CUBN: variants seen among roughly 807,000 people sequenced by gnomAD.
CUBN encodes 460 kDa receptor.
In CUBN, 282 loss-of-function variants were observed where a neutral mutation model predicts 405.3. The ratio of observed to expected loss-of-function variants is 0.70; its 90% CI spans 0.63 to 0.77. The LOEUF (loss-of-function observed/expected upper bound fraction) is 0.77, where lower values mean the gene tolerates loss of function less well. Among genes scored for constraint, CUBN ranks in the 30% least tolerant of loss-of-function variants. The pLI is 0.00. For missense variants in CUBN, 4,514 were observed against 4,475.2 expected, an observed-to-expected ratio of 1.01 and a Z score of -0.25; for synonymous variants, 1,684 against 1,617.0, an observed-to-expected ratio of 1.04 and a Z score of -0.99.
At chr10:17,036,903 C>T (rs1231076003) in intron 27 of CUBN, among the ~76,000 whole-genome samples, 4 of 152,060 alleles carry the variant, frequency 2.6e-5, no homozygotes, top group Non-Finnish European at 4.4e-5. Context: ...AGAGTGCTCC[C>T]GGGGTATGTG....
At chr10:16,907,813 G>A in intron 48 of CUBN, 134 bp from the exon 49 acceptor site, 1 of 883,488 alleles carries the variant, frequency 1.1e-6, no homozygotes, top group Non-Finnish European at 1.8e-6. Flanking sequence ...TAACAATGCA[G>A]GTTTCTATCG....
chr10:16,901,491 A>G (rs1182409743), intron 51 of CUBN, 32 bp from the exon 52 acceptor site: 1 of 1,613,450 alleles, frequency 6.2e-7, no homozygotes, highest in East Asian at 2.2e-5. Context: ...TCTCAATAAA[A>G]CAGAAGTAAA....
chr10:16,871,784 A>G (rs1840360801), intron 58 of CUBN, among the ~76,000 whole-genome samples: 1 of 152,216 alleles, frequency 6.6e-6, no homozygotes, highest in African/African-American at 2.4e-5. Flanking sequence ...AGCACAGAAG[A>G]GATCTGAAAA....
At chr10:16,988,325 T>G (rs748831878) in intron 29 of CUBN, among the ~76,000 whole-genome samples, 1 of 152,212 alleles carries the variant, frequency 6.6e-6, no homozygotes, top group Non-Finnish European at 1.5e-5. Context: ...CGAGGCCATC[T>G]GAACATTCTG....
chr10:16,900,722 T>A lies in CUBN; in HGVS notation c.8313A>T (p.Thr2771=). 6.2e-7 allele frequency: 1 copy of A among 1,614,180 alleles called. No individual in the cohort carries two copies. The highest frequency in any genetic ancestry group is 1.1e-5 in the South Asian group (1 of 91,076). Residue 2771 remains threonine (T), a synonymous_variant, in exon 53 of 67, where the codon ACA becomes ACT. Transcript: ENST00000377833. ...CCAGCTGATTGGAACCTGACTGTAT[T>A]GTCCTGGGGTTTGAATTTCCACAGT... ...GQYCGNSNPR[T]IQSGSNQLVV...
In CUBN at chr10:17,071,476, T is replaced by G. The variant is rs1303091102; in HGVS notation, c.2575A>C (p.Thr859Pro). 2 of 1,613,810 alleles carry G rather than the reference T, an allele frequency of 1.2e-6. No individual in the cohort carries two copies. Among genetic ancestry groups the G allele is most frequent in the African/African-American group, 2.7e-5 (2 of 74,892 alleles). The change falls in exon 19 of 67, where the codon ACT becomes CCT. Residue 859 changes from threonine (T) to proline (P), a missense_variant. Coordinates refer to ENST00000377833, the MANE Select transcript of CUBN (RefSeq NM_001081.4). The stretch of plus-strand genomic sequence containing the variant: ...GCAGAACTTCCAATTTCAAAGACAG[T>G]GAAGTTGAGGAGAATGACTTGGCTT... Reference protein sequence around the residue: ...PQSQVILLNFTVFEIGSSAHC... With the variant: ...PQSQVILLNFPVFEIGSSAHC...
intron 22 of CUBN, among the ~76,000 whole-genome samples, chr10:17,064,899 T>C (rs1198069526): frequency 6.6e-6 from 1 of 152,224 alleles, no homozygotes; most frequent in Non-Finnish European, 1.5e-5. Context: ...AATGCATATT[T>C]TGCCAAGAAA....
At chr10:17,112,338 G>A (rs1588650618) in intron 8 of CUBN, among the ~76,000 whole-genome samples, 1 of 151,686 alleles carries the variant, frequency 6.6e-6, no homozygotes, top group South Asian at 2.1e-4. Context: ...TAAGATCAAA[G>A]GTATTTTTTT....
At chr10:17,048,639 A>G (rs1261897705) in intron 22 of CUBN, among the ~76,000 whole-genome samples, 1 of 152,122 alleles carries the variant, frequency 6.6e-6, no homozygotes, top group Non-Finnish European at 1.5e-5. Context: ...CACCATGCCC[A>G]GCAAATAAAT....
chr10:16,884,837 C>G (rs1383124230), intron 56 of CUBN, among the ~76,000 whole-genome samples: 1 of 152,204 alleles, frequency 6.6e-6, no homozygotes, highest in African/African-American at 2.4e-5. Context: ...ACCTTTTGTG[C>G]TAATGGTCCA....
At position 16,925,642 on chromosome 10, in the gene CUBN, T is replaced by C; in HGVS notation, c.6404A>G (p.Glu2135Gly). Residue 2135 changes from glutamate (E) to glycine (G), a missense_variant, in exon 42 of 67, where the codon GAA (glutamate) becomes GGA (glycine). By Grantham distance (98) the Glu-to-Gly change is moderately conservative. Transcript: ENST00000377833. ...QSGLTIAVHF[E>G]QPFQIPNGDS... ...TCCATTTGGAATCTGGAAAGGCTGT[T>C]CAAAATGGACAGCAATGGTCAGGCC... The C allele has an allele frequency of 6.2e-7, 1 of 1,614,062 alleles. No homozygotes were observed. Among genetic ancestry groups the C allele is most frequent in the Non-Finnish European group, 8.5e-7 (1 of 1,179,964 alleles).
intron 10 of CUBN, among the ~76,000 whole-genome samples, chr10:17,106,024 C>G (rs1836621559): frequency 6.6e-6 from 1 of 152,242 alleles, no homozygotes; most frequent in African/African-American, 2.4e-5. Flanking sequence ...GTGGCTCACG[C>G]CTGTAATCCC....
intron 22 of CUBN, among the ~76,000 whole-genome samples, chr10:17,062,726 C>G (rs1352945399): frequency 1.3e-5 from 2 of 152,170 alleles, no homozygotes; most frequent in African/African-American, 4.8e-5. Flanking sequence ...TATCTGAACT[C>G]AAATCCGGAA....
intron 54 of CUBN, among the ~76,000 whole-genome samples, chr10:16,895,338 T>TACAC (rs150992845): frequency 6.3e-4 from 94 of 149,078 alleles, no homozygotes; most frequent in African/African-American, 1.5e-3. Flanking sequence ...TATATATTTA[T>TACAC]ACACACACAC....
intron 45 of CUBN, among the ~76,000 whole-genome samples, chr10:16,917,829 T>G (rs1048385597): frequency 3.3e-5 from 5 of 152,210 alleles, no homozygotes; most frequent in African/African-American, 1.2e-4. Flanking sequence ...GACTTATTTT[T>G]AAAAAGTCAT....
intron 56 of CUBN, among the ~76,000 whole-genome samples, chr10:16,880,399 C>G (rs1033401341): frequency 6.6e-5 from 10 of 152,118 alleles, no homozygotes; most frequent in Non-Finnish European, 2.9e-5. Context: ...GCCAAAGATA[C>G]TAAACTTAAA....
intron 56 of CUBN, among the ~76,000 whole-genome samples, chr10:16,880,788 T>C (rs535242791): frequency 1.3e-5 from 2 of 152,252 alleles, no homozygotes; most frequent in Non-Finnish European, 2.9e-5. Flanking sequence ...CAATTCAAGA[T>C]ATACATTTTT....
At chr10:16,838,865 T>C (rs1839256344) in intron 62 of CUBN, among the ~76,000 whole-genome samples, 1 of 152,170 alleles carries the variant, frequency 6.6e-6, no homozygotes, top group Non-Finnish European at 1.5e-5. Context: ...AGGCTGATCT[T>C]GAACTCCTGA....
chr10:16,872,372 A>G (rs1353352377), intron 58 of CUBN, among the ~76,000 whole-genome samples: 1 of 151,952 alleles, frequency 6.6e-6, no homozygotes. Context: ...ATAGATAGAC[A>G]GATAAAGAGA....
Sources: allele counts gnomAD v4.1 joint callset (sites outside exome capture counted in the v4.1 genomes callset), GRCh38; gene constraint gnomAD v4.1.1; transcripts MANE v1.5; gene names NCBI Gene and HGNC (gene_info 2026-07-23, HGNC 2026-07-21).